ABITRAM: variants seen among roughly 807,000 people sequenced by gnomAD.
The protein encoded by ABITRAM is actin binding transcription modulator.
Under a neutral mutation model 22.9 loss-of-function variants are expected in ABITRAM, and 19 were observed. That is an observed-to-expected ratio of 0.83 (90% CI 0.58 to 1.22). The LOEUF (loss-of-function observed/expected upper bound fraction) is 1.22, where lower values mean the gene tolerates loss of function less well. ABITRAM is among the 50% of genes most tolerant of loss of function. ABITRAM has a pLI of 0.00. For synonymous variants in ABITRAM, 70 were observed against 73.9 expected (o/e 0.95, Z 0.27); for missense variants, 215 against 220.2 (o/e 0.98, Z 0.15).
At chr9:108,944,111 A>G, downstream of ABITRAM, 1 of 1,235,928 alleles carries the variant, frequency 8.1e-7, no homozygotes. Context: ...GTAGAATTTT[A>G]AAAATAAAGC....
downstream of ABITRAM, chr9:108,943,193 C>CA: frequency 1.4e-6 from 1 of 724,114 alleles, no homozygotes; most frequent in Admixed American, 3.1e-5. Flanking sequence ...TGAGCTGACT[C>CA]AAAGCCCCAG....
downstream of ABITRAM, among the ~76,000 whole-genome samples, chr9:108,945,443 A>G (rs2132077922): frequency 6.8e-6 from 1 of 148,106 alleles, no homozygotes; most frequent in South Asian, 2.2e-4. Context: ...TACTGTTGTT[A>G]TATTTTATTG....
chr9:108,944,055 T>C, downstream of ABITRAM: 1 of 1,533,124 alleles, frequency 6.5e-7, no homozygotes, highest in Non-Finnish European at 8.9e-7. Flanking sequence ...TTTAGACTGA[T>C]GTCTATGGAT....
At chr9:108,944,025 G>T (rs1157868542), downstream of ABITRAM, 2 of 1,612,868 alleles carry the variant, frequency 1.2e-6, no homozygotes, top group Non-Finnish European at 8.5e-7. Flanking sequence ...AAACCTGGTA[G>T]AAAGAGAAAA....
chr9:108,942,707 T>C (rs1830276607), downstream of ABITRAM: 1 of 1,090,012 alleles, frequency 9.2e-7, no homozygotes, highest in Admixed American at 2.1e-5. Context: ...AAAGGATCAT[T>C]TGATTTTTAA....
intron 3 of ABITRAM, among the ~76,000 whole-genome samples, chr9:108,936,765 T>A (rs1192924914): frequency 1.3e-5 from 2 of 152,032 alleles, no homozygotes; most frequent in East Asian, 3.8e-4. Flanking sequence ...ATTAAACTAG[T>A]ATGTCGAGTT....
chr9:108,943,987 G>A (rs909126348), downstream of ABITRAM: 3 of 1,613,834 alleles, frequency 1.9e-6, no homozygotes, highest in South Asian at 1.1e-5. Flanking sequence ...TTGAACACTG[G>A]AAGTAAGCTT....
chr9:108,934,461 C>T lies in ABITRAM; in HGVS notation c.-26C>T. ...GAGGAAGCGCTGGGGTCCCGGAGGGCGGGGGTGGCGGCGCCGGAGGTCGCC... is the reference window on the plus strand; with the variant it reads ...GAGGAAGCGCTGGGGTCCCGGAGGGTGGGGGTGGCGGCGCCGGAGGTCGCC... On this transcript the variant is annotated 5_prime_UTR_variant, in exon 1 of 6. Coordinates refer to ENST00000322940, the MANE Select transcript of ABITRAM (RefSeq NM_017832.4). The T allele has an allele frequency of 1.9e-5, 30 of 1,574,530 alleles. No homozygotes were observed. Among genetic ancestry groups the T allele is most frequent in the Non-Finnish European group, 2.6e-5 (30 of 1,162,834 alleles).
chr9:108,935,553 T>G (rs984580338), intron 1 of ABITRAM, 85 bp from the exon 2 acceptor site: 27 of 1,054,492 alleles, frequency 2.6e-5, no homozygotes, highest in Non-Finnish European at 3.7e-5. Flanking sequence ...CAGTCTTCAT[T>G]ATCAACTATA....
chr9:108,935,280 A>G (rs574612348), intron 1 of ABITRAM, among the ~76,000 whole-genome samples: 43 of 152,354 alleles, frequency 2.8e-4, no homozygotes, highest in Non-Finnish European at 3.8e-4. Context: ...TTGCACCAAC[A>G]TCAGGACAGT....
At position 108,935,707 on chromosome 9, in the gene ABITRAM, T is replaced by C. The variant is rs768548690; in HGVS notation, c.131+18T>C. The stretch of plus-strand genomic sequence containing the variant: ...TCTAACCGGTAAGCAAATTGGGAAT[T>C]TTAAATTATCAAAAATTTTTTTTTC... On this transcript the variant is annotated intron_variant, in intron 2 of 5. Transcript: ENST00000322940. 6.8e-6 allele frequency: 11 copies of C among 1,607,410 alleles called. No homozygotes were observed. Among genetic ancestry groups the C allele is most frequent in the Non-Finnish European group, 9.4e-6 (11 of 1,174,822 alleles).
At chr9:108,938,690 AG>A (rs67863314) in intron 3 of ABITRAM, among the ~76,000 whole-genome samples, 7,809 of 111,432 alleles carry the variant, frequency 0.07, 404 homozygotes, top group African/African-American at 0.15. Flanking sequence ...GGAATTACAA[AG>A]GGGGGGGGGG....
chr9:108,938,933 G>A (rs1233729382), intron 3 of ABITRAM, among the ~76,000 whole-genome samples: 2 of 152,070 alleles, frequency 1.3e-5, no homozygotes, highest in Non-Finnish European at 2.9e-5. Context: ...TTCATTTACA[G>A]TTGATAAAAT....
At chr9:108,944,622 A>G (rs997521828), downstream of ABITRAM, among the ~76,000 whole-genome samples, 9 of 152,346 alleles carry the variant, frequency 5.9e-5, no homozygotes, top group Admixed American at 6.5e-5. Flanking sequence ...CAGGTAAGAC[A>G]GAAGTATTTA....
At chr9:108,937,919 G>A (rs1327972847) in intron 3 of ABITRAM, among the ~76,000 whole-genome samples, 1 of 150,134 alleles carries the variant, frequency 6.7e-6, no homozygotes, top group East Asian at 2.0e-4. Context: ...GATTGCTTGA[G>A]CACAGGAGTC....
Position 108,939,745 on chromosome 9 carries a change from G to A in ABITRAM, c.*59G>A, listed in dbSNP as rs967862351. The A allele has an allele frequency of 1.3e-6, 2 of 1,588,646 alleles. No individual in the cohort carries two copies. Among genetic ancestry groups the A allele is most frequent in the Admixed American group, 1.8e-5 (1 of 56,996 alleles). ...CTTGTTACCTGGCCTAAACCATCAG[G>A]GTACTAAAGGAGAAGAACCAGTATA... On this transcript the variant is annotated 3_prime_UTR_variant, in exon 6 of 6. Coordinates refer to ENST00000322940, the MANE Select transcript of ABITRAM (RefSeq NM_017832.4).
In ABITRAM at chr9:108,939,529, A is replaced by G; in HGVS notation, c.409-20A>G. 1 of 1,612,964 alleles carries G rather than the reference A, an allele frequency of 6.2e-7. No homozygotes were observed. The highest frequency in any genetic ancestry group is 1.7e-5 in the Admixed American group (1 of 59,736). On this transcript the variant is annotated intron_variant, in intron 5 of 5. Transcript: ENST00000322940. ...TTTTTTTTCATCGTTTGACAGTACT[A>G]AATGTTCTTTCCTTTCCAGCCATCT...
intron 3 of ABITRAM, among the ~76,000 whole-genome samples, chr9:108,937,870 T>G (rs1362959650): frequency 1.3e-5 from 2 of 151,590 alleles, no homozygotes; most frequent in Admixed American, 6.6e-5. Context: ...TGGTGGCATG[T>G]GCCTATAGTC....
intron 1 of ABITRAM, 108 bp downstream of exon 1, chr9:108,934,673 C>T: frequency 9.3e-7 from 1 of 1,070,632 alleles, no homozygotes; most frequent in African/African-American, 1.7e-5. Flanking sequence ...TCTCCGTCCC[C>T]ACGTCAGAAG....
Sources: allele counts gnomAD v4.1 joint callset (sites outside exome capture counted in the v4.1 genomes callset), GRCh38; gene constraint gnomAD v4.1.1; transcripts MANE v1.5; gene names NCBI Gene and HGNC (gene_info 2026-07-23, HGNC 2026-07-21).